Variants in THSD1 observed in about 807,000 individuals in gnomAD.
THSD1 encodes thrombospondin type 1 domain containing 1, also known as thrombospondin type-1 domain-containing protein 1.
THSD1 carries 34 observed loss-of-function variants against 46.3 expected under a neutral mutation model. The observed-to-expected ratio is 0.74, with a 90% CI of 0.56 to 0.98. The LOEUF (loss-of-function observed/expected upper bound fraction) is 0.98. THSD1 is among the 50% of genes least tolerant of loss of function. The pLI is 0.00. For missense variants in THSD1, 1,023 were observed against 1,058.3 expected (o/e 0.97, Z 0.46); for synonymous variants, 407 against 416.5 (o/e 0.98, Z 0.28).
intron 2 of THSD1, among the ~76,000 whole-genome samples, chr13:52,400,743 T>C (rs1436664888): frequency 6.6e-6 from 1 of 152,180 alleles, no homozygotes; most frequent in African/African-American, 2.4e-5. Flanking sequence ...CAATACCTAC[T>C]TTTTTTATCA....
rs866084308 is a variant in THSD1 at position 52,378,384 on chromosome 13, C to A, written c.1586G>T (p.Ser529Ile). 1 of 1,614,068 alleles carries A rather than the reference C, an allele frequency of 6.2e-7. No homozygotes were observed. Among genetic ancestry groups the A allele is most frequent in the South Asian group, 1.1e-5 (1 of 91,072 alleles). Residue 529 changes from serine (S) to isoleucine (I), a missense_variant, in exon 5 of 5, where the codon AGC becomes ATC. Ser to Ile is a moderately radical substitution (Grantham distance 142). Coordinates refer to ENST00000258613, the MANE Select transcript of THSD1 (RefSeq NM_018676.4). ...NAQKIIPPLF[S>I]YRLAQQQLKE... ...TAACTGCTGCTGGGCAAGGCGGTAG[C>A]TGAACAGAGGTGGGATTATCTTCTG...
chr13:52,389,927 C>G (rs1053808334), intron 3 of THSD1, among the ~76,000 whole-genome samples: 1 of 151,952 alleles, frequency 6.6e-6, no homozygotes, highest in African/African-American at 2.4e-5. Flanking sequence ...ATCACTTGAG[C>G]TCAGGAGTTT....
In THSD1 at chr13:52,378,026, G is replaced by A. The variant is rs766057990; in HGVS notation, c.1944C>T (p.Ala648=). The A allele has an allele frequency of 2.0e-5, 32 of 1,614,038 alleles. No homozygotes were observed. Among genetic ancestry groups the A allele is most frequent in the Non-Finnish European group, 2.5e-5 (30 of 1,180,046 alleles). ...GGAAACTCGCTGTCCTCCTGAAATGGGCGTTCCTGGCATGGCTCCTTTCGG... is the reference window on the plus strand; with the variant it reads ...GGAAACTCGCTGTCCTCCTGAAATGAGCGTTCCTGGCATGGCTCCTTTCGG... ...GPSERSHARN[A]HFRRTASFHE... is the part of the protein sequence containing the mutation. Residue 648 remains alanine (A), a synonymous_variant, in exon 5 of 5, where the codon GCC becomes GCT. Transcript: ENST00000258613.
Position 52,386,323 on chromosome 13 carries a change from A to G in THSD1, c.1022-137T>C, listed in dbSNP as rs572229716. The G allele has an allele frequency of 9.0e-5, 75 of 836,108 alleles. No individual in the cohort carries two copies. In the African/African-American group the frequency reaches 1.2e-3, roughly 14 times the overall value. 51.8% of individuals were successfully genotyped at this position (836,108 alleles called of 1,614,324 possible). On this transcript the variant is annotated intron_variant, in intron 3 of 4. Transcript: ENST00000258613. Reference sequence around the variant, plus strand: ...TTAAAGCGTTCCCAGAGATGAAGAAAGCTGAAAAGAGTTGCTCCTAACTTT... The same window carrying G: ...TTAAAGCGTTCCCAGAGATGAAGAAGGCTGAAAAGAGTTGCTCCTAACTTT...
At chr13:52,393,101 G>A (rs1231681885) in intron 3 of THSD1, among the ~76,000 whole-genome samples, 1 of 152,104 alleles carries the variant, frequency 6.6e-6, no homozygotes, top group Non-Finnish European at 1.5e-5. Flanking sequence ...TCCCAAGCTA[G>A]TCTACCTGGA....
chr13:52,380,401 T>C (rs1278974906), intron 4 of THSD1, among the ~76,000 whole-genome samples: 1 of 151,008 alleles, frequency 6.6e-6, no homozygotes, highest in Non-Finnish European at 1.5e-5. Flanking sequence ...CCCTAACTGC[T>C]CCACAGAACA....
intron 2 of THSD1, among the ~76,000 whole-genome samples, chr13:52,399,514 A>T (rs868839117): frequency 6.6e-6 from 1 of 152,194 alleles, no homozygotes; most frequent in Non-Finnish European, 1.5e-5. Context: ...AGTCTTTAAA[A>T]TACCCTTATA....
intron 3 of THSD1, among the ~76,000 whole-genome samples, chr13:52,393,143 T>C (rs1957785473): frequency 6.6e-6 from 1 of 152,180 alleles, no homozygotes; most frequent in African/African-American, 2.4e-5. Flanking sequence ...TTAAACACCA[T>C]TGACCTTGGA....
chr13:52,405,139 G>A (rs2137754204), intron 1 of THSD1, among the ~76,000 whole-genome samples: 1 of 152,234 alleles, frequency 6.6e-6, no homozygotes, highest in South Asian at 2.1e-4. Flanking sequence ...CTTCTACCTA[G>A]CATTCTTGTA....
rs1209007680 is a variant in THSD1 at position 52,378,460 on chromosome 13, C to A, written c.1510G>T (p.Val504Leu). Residue 504 changes from valine to leucine, a missense_variant, in exon 5 of 5, where the codon GTA becomes TTA. By Grantham distance (32) the Val-to-Leu change is conservative (BLOSUM62 1). This residue lies in a region of THSD1 where 578 missense variants were observed against 497.4 expected (regional missense o/e 1.16). Transcript: ENST00000258613. Reference sequence around the variant, plus strand: ...CCAGAGGCATCATCCTCGGGAGGTACCGGCCCGCTCCGCCTGTAGGTCAGA... The same window carrying A: ...CCAGAGGCATCATCCTCGGGAGGTAACGGCCCGCTCCGCCTGTAGGTCAGA... ...IPLTYRRSGP[V>L]PPEDDASGSE... The A allele has an allele frequency of 5.0e-6, 8 of 1,614,060 alleles. No homozygotes were observed. The highest frequency in any genetic ancestry group is 1.7e-5 in the Admixed American group (1 of 60,010).
chr13:52,386,307 TC>T, intron 3 of THSD1, 121 bp from the exon 4 acceptor site: 2 of 977,112 alleles, frequency 2.0e-6, no homozygotes, highest in Non-Finnish European at 3.0e-6. Context: ...GTTAAAGCGT[TC>T]CCAGAGATGA....
intron 3 of THSD1, among the ~76,000 whole-genome samples, chr13:52,395,083 G>GA (rs879675777): frequency 2.6e-5 from 4 of 152,172 alleles, no homozygotes; most frequent in Non-Finnish European, 4.4e-5. Flanking sequence ...GGATGTGGGG[G>GA]CAGCCTGACC....
intron 4 of THSD1, among the ~76,000 whole-genome samples, chr13:52,379,013 C>T (rs1256657808): frequency 2.0e-5 from 3 of 151,896 alleles, no homozygotes; most frequent in African/African-American, 7.3e-5. Context: ...CAGGCATGCA[C>T]CACCACGCCT....
intron 2 of THSD1, among the ~76,000 whole-genome samples, chr13:52,401,471 T>A (rs925125028): frequency 7.2e-5 from 11 of 151,786 alleles, no homozygotes; most frequent in Admixed American, 2.0e-4. Context: ...GCTAATTTTT[T>A]TGTATTTTTA....
intron 2 of THSD1, among the ~76,000 whole-genome samples, chr13:52,401,545 C>T (rs1957861977): frequency 6.6e-6 from 1 of 152,090 alleles, no homozygotes; most frequent in South Asian, 2.1e-4. Context: ...GTGATCCGCC[C>T]ACCCCGGCCT....
At chr13:52,383,000 CAA>C (rs540839249) in intron 4 of THSD1, among the ~76,000 whole-genome samples, 3 of 140,078 alleles carry the variant, frequency 2.1e-5, no homozygotes, top group African/African-American at 2.6e-5. Context: ...GACTCTGTCT[CAA>C]AAAAAAAAAA....
chr13:52,387,261 T>C (rs61150694), intron 3 of THSD1, among the ~76,000 whole-genome samples: 1,623 of 152,318 alleles, frequency 0.011, 27 homozygotes, highest in African/African-American at 0.037. Flanking sequence ...TGATAAGCAC[T>C]GAGGGTAGCC....
chr13:52,396,513 G>A (rs760181963), intron 3 of THSD1, among the ~76,000 whole-genome samples: 1 of 152,140 alleles, frequency 6.6e-6, no homozygotes, highest in Non-Finnish European at 1.5e-5. Flanking sequence ...GCGACAGAGC[G>A]AGACTCTGTC....
intron 2 of THSD1, among the ~76,000 whole-genome samples, chr13:52,401,176 T>C (rs1260752255): frequency 1.3e-5 from 2 of 152,190 alleles, no homozygotes; most frequent in Admixed American, 6.5e-5. Flanking sequence ...GGTTTCACCA[T>C]GTTGGCCAGG....
Sources: gnomAD v4.1 joint callset for allele counts (sites outside exome capture counted in the v4.1 genomes callset) on GRCh38, gnomAD v4.1.1 for gene constraint, gnomAD v4.1.1 regional missense constraint, MANE v1.5 for transcripts, NCBI Gene and HGNC (gene_info 2026-07-23, HGNC 2026-07-21) for gene names.